SARDH: variants seen among roughly 807,000 people sequenced by gnomAD.
SARDH encodes sarcosine dehydrogenase.
Under a neutral mutation model 109.1 loss-of-function variants are expected in SARDH, and 95 were observed. The observed-to-expected ratio is 0.87, with a 90% confidence interval of 0.74 to 1.03. The LOEUF (loss-of-function observed/expected upper bound fraction) is 1.03, where lower values mean the gene tolerates loss of function less well. SARDH is among the 50% of genes least tolerant of loss of function. The pLI is 0.00. For missense variants in SARDH, 1,267 were observed against 1,287.8 expected (o/e 0.98, Z 0.25); for synonymous variants, 572 against 534.8 (o/e 1.07, Z -0.96).
chr9:133,733,412 C>A (rs73662183), intron 2 of SARDH, among the ~76,000 whole-genome samples: 6,150 of 152,270 alleles, frequency 0.04, 414 homozygotes, highest in African/African-American at 0.14. Context: ...ATATATGCCC[C>A]CTGGTTAGTT....
intron 11 of SARDH, among the ~76,000 whole-genome samples, chr9:133,707,980 T>C (rs1218798930): frequency 6.6e-6 from 1 of 152,048 alleles, no homozygotes; most frequent in Non-Finnish European, 1.5e-5. Flanking sequence ...CCAGGACCCC[T>C]GCCCTGTTGG....
chr9:133,710,829 C>A (rs1831891380), intron 10 of SARDH, among the ~76,000 whole-genome samples: 1 of 152,242 alleles, frequency 6.6e-6, no homozygotes, highest in African/African-American at 2.4e-5. Flanking sequence ...GTTTGGAAGC[C>A]CCACGTCAGT....
chr9:133,672,806 T>G (rs913429400), intron 17 of SARDH, among the ~76,000 whole-genome samples: 1 of 152,154 alleles, frequency 6.6e-6, no homozygotes, highest in Non-Finnish European at 1.5e-5. Flanking sequence ...ACCAGGAGAT[T>G]GCCGTCGCAG....
At chr9:133,668,015 T>C (rs1014924053) in intron 19 of SARDH, among the ~76,000 whole-genome samples, 8 of 152,002 alleles carry the variant, frequency 5.3e-5, no homozygotes, top group Admixed American at 1.3e-4. Context: ...AGGAAACCCC[T>C]GAGCAGAGCG....
Position 133,716,771 on chromosome 9 carries a change from G to A in SARDH, c.1150+555C>T, listed in dbSNP as rs562390566. ...AATCTTGACACAAGAACCTTCCCCCGCTGAGCTGGCCTCCAGGTGCAAGCC... is the reference window on the plus strand; with the variant it reads ...AATCTTGACACAAGAACCTTCCCCCACTGAGCTGGCCTCCAGGTGCAAGCC... On this transcript the variant is annotated intron_variant, in intron 8 of 20. Coordinates refer to ENST00000439388, the MANE Select transcript of SARDH (RefSeq NM_001134707.2). 2.5e-3 allele frequency among the ~76,000 whole-genome samples: 380 copies of A among 150,538 alleles called. 2 individuals are homozygous for A. The highest frequency in any genetic ancestry group is 8.8e-3 in the African/African-American group (361 of 40,894).
chr9:133,663,776 TAAGGA>T lies in SARDH; in HGVS notation c.*108_*112del. 6.8e-7 allele frequency: 1 copy of T among 1,464,386 alleles called. No homozygotes were observed. 90.7% of individuals were successfully genotyped at this position (1,464,386 alleles called of 1,614,324 possible). On this transcript the variant is annotated 3_prime_UTR_variant, in exon 21 of 21. Transcript: ENST00000439388. ...GGTTTTCGCAGGACTAGGCCTAGGC[TAAGGA>T]CAGGGAGGGCACAAGTTCTGGCTGG...
In SARDH at chr9:133,730,094, T is replaced by A; in HGVS notation, c.784A>T (p.Ile262Phe). The part of the protein sequence containing the change: ...VAGVETQHGS[I>F]QTPCVVNCAG... ...CAGTTGACCACGCAGGGTGTCTGGA[T>A]GGAACCATGCTGAGTCTCCACACCC... is the stretch of plus-strand genomic sequence containing the variant. The change falls in exon 5 of 21, where the codon ATC becomes TTC. Residue 262 changes from isoleucine to phenylalanine, a missense_variant. Physicochemically the swap from Ile to Phe is conservative, Grantham distance 21 (BLOSUM62 0). Coordinates refer to ENST00000439388, the MANE Select transcript of SARDH (RefSeq NM_001134707.2). The A allele has an allele frequency of 6.2e-7, 1 of 1,614,210 alleles. No homozygotes were observed. The highest frequency in any genetic ancestry group is 8.5e-7 in the Non-Finnish European group (1 of 1,180,030).
chr9:133,685,429 C>T, intron 16 of SARDH, 143 bp from the exon 17 acceptor site: 1 of 630,802 alleles, frequency 1.6e-6, no homozygotes, highest in Non-Finnish European at 2.7e-6. Context: ...AATAAAAATA[C>T]ACCAAGACAG....
chr9:133,721,594 G>C (rs1397074847), intron 6 of SARDH, among the ~76,000 whole-genome samples: 2 of 152,216 alleles, frequency 1.3e-5, no homozygotes, highest in African/African-American at 4.8e-5. Flanking sequence ...GGGAGCGGAA[G>C]ATCTGAAGGC....
In SARDH at chr9:133,732,575, C is replaced by T. The variant is rs1832726722; in HGVS notation, c.358G>A (p.Asp120Asn). The change falls in exon 3 of 21, where the codon GAC becomes AAC. Residue 120 changes from aspartate to asparagine, a missense_variant. By Grantham distance (23) the Asp-to-Asn change is conservative (BLOSUM62 1). Coordinates refer to ENST00000439388, the MANE Select transcript of SARDH (RefSeq NM_001134707.2). ...TGGGCCAGAAGCTCCACCTCCACGT[C>T]ACTGGGCCGCAGCTGCCACAGCAGG... ...AGLLWQLRPSDVEVELLAHTR... is the reference protein window; with the variant it reads ...AGLLWQLRPSNVEVELLAHTR... 17 of 1,610,634 alleles carry T rather than the reference C, an allele frequency of 1.1e-5. No homozygotes were observed. Among genetic ancestry groups the T allele is most frequent in the Non-Finnish European group, 1.4e-5 (17 of 1,178,450 alleles).
rs537048941 is a variant in SARDH at position 133,718,134 on chromosome 9, C to G, written c.1021-679G>C. On this transcript the variant is annotated intron_variant, in intron 7 of 20. Coordinates refer to ENST00000439388, the MANE Select transcript of SARDH (RefSeq NM_001134707.2). The surrounding 1 kb of genome is among the most constrained non-coding windows in gnomAD (Gnocchi z 4.2). ...TCACCCAGGCTGGAGTAAAGTGGTG[C>G]GATCTCGGCTCACTGCCACCTCCAT... 5.3e-5 allele frequency among the ~76,000 whole-genome samples: 8 copies of G among 152,284 alleles called. No individual in the cohort carries two copies. The highest frequency in any genetic ancestry group is 5.2e-4 in the Admixed American group (8 of 15,300).
At position 133,730,077 on chromosome 9, in the gene SARDH, CACGCAGGGTGTCTGGATGGA is replaced by C; in HGVS notation, c.781_800del (p.Ser261GlyfsTer45). Reference sequence around the variant, plus strand: ...TGCCACTCGCACCTGCACAGTTGACCACGCAGGGTGTCTGGATGGAACCATGCTGAGTCTCCACACCCGCG... The same window carrying C: ...TGCCACTCGCACCTGCACAGTTGACCACCATGCTGAGTCTCCACACCCGCG... On this transcript the variant is annotated frameshift_variant, in exon 5 of 21. Coordinates refer to ENST00000439388, the MANE Select transcript of SARDH (RefSeq NM_001134707.2). LOFTEE classifies it high-confidence loss of function. 1 of 1,614,230 alleles carries C rather than the reference CACGCAGGGTGTCTGGATGGA, an allele frequency of 6.2e-7. No individual in the cohort carries two copies. The highest frequency in any genetic ancestry group is 8.5e-7 in the Non-Finnish European group (1 of 1,180,040).
intron 16 of SARDH, among the ~76,000 whole-genome samples, chr9:133,689,968 T>C (rs895106042): frequency 1.3e-5 from 2 of 152,170 alleles, no homozygotes; most frequent in Non-Finnish European, 2.9e-5. Context: ...GGAGGGTGTT[T>C]CCGGAGGAGC....
intron 15 of SARDH, among the ~76,000 whole-genome samples, chr9:133,691,187 C>CAT (rs1831082663): frequency 6.8e-6 from 1 of 146,706 alleles, no homozygotes; most frequent in Non-Finnish European, 1.5e-5. Flanking sequence ...CACACACACA[C>CAT]ACACACACAC....
intron 19 of SARDH, among the ~76,000 whole-genome samples, chr9:133,667,508 G>A (rs1830117296): frequency 6.6e-6 from 1 of 151,498 alleles, no homozygotes; most frequent in Non-Finnish European, 1.5e-5. Context: ...TTATTCAAAG[G>A]ACTTTACTAC....
In SARDH at chr9:133,709,531, G is replaced by C. The variant is rs1029995609; in HGVS notation, c.1329-1103C>G. The stretch of plus-strand genomic sequence containing the variant: ...CAAGGCTGCCTCAGCAGCCACATCA[G>C]AGGCGTTTCTATCCTCAGTGACACC... On this transcript the variant is annotated intron_variant, in intron 10 of 20. Transcript: ENST00000439388. This position sits in a 1 kb window ranked among gnomAD's most constrained non-coding sequence, Gnocchi z 4.2. 1.3e-5 allele frequency among the ~76,000 whole-genome samples: 2 copies of C among 152,148 alleles called. No individual in the cohort carries two copies. The highest frequency in any genetic ancestry group is 4.8e-5 in the African/African-American group (2 of 41,434).
chr9:133,735,682 A>T lies in SARDH; in HGVS notation c.-30-1479T>A, dbSNP rs566847142. Among the ~76,000 whole-genome samples the T allele has an allele frequency of 7.2e-5, 11 of 152,304 alleles. No homozygotes were observed. The South Asian group carries it at 1.4e-3, about 20-fold the overall frequency. ...GAGAGGGCATGTGCACATTGATTTT[A>T]CCTGTCCTCAAACTGACCCTTTGCT... On this transcript the variant is annotated intron_variant, in intron 1 of 20. Coordinates refer to ENST00000439388, the MANE Select transcript of SARDH (RefSeq NM_001134707.2).
At chr9:133,679,296 G>A (rs1830616662) in intron 17 of SARDH, among the ~76,000 whole-genome samples, 1 of 152,238 alleles carries the variant, frequency 6.6e-6, no homozygotes, top group African/African-American at 2.4e-5. Context: ...GGCAGTGGCT[G>A]GAACTCAGCT....
chr9:133,725,732 T>C (rs530735796), intron 6 of SARDH: 4 of 234,606 alleles, frequency 1.7e-5, no homozygotes, highest in Admixed American at 5.5e-5. Context: ...CATCATAATA[T>C]TGCAGAGAGG....
Sources: allele counts gnomAD v4.1 joint callset (sites outside exome capture counted in the v4.1 genomes callset), GRCh38; gene constraint gnomAD v4.1.1; non-coding constraint Gnocchi (gnomAD v3.1); transcripts MANE v1.5; gene names NCBI Gene and HGNC (gene_info 2026-07-23, HGNC 2026-07-21).